Variants in PRKAR1B observed in about 807,000 individuals in gnomAD.
The protein encoded by PRKAR1B is protein kinase cAMP-dependent type I regulatory subunit beta.
In PRKAR1B, 22 loss-of-function variants were observed where a neutral mutation model predicts 46.5. The observed-to-expected ratio is 0.47, with a 90% confidence interval of 0.34 to 0.68. The LOEUF is 0.68. PRKAR1B is among the 30% of genes least tolerant of loss of function. PRKAR1B has a pLI of 0.01. For synonymous variants in PRKAR1B, 259 were observed against 217.7 expected (o/e 1.19, Z -1.67); for missense variants, 445 against 535.6 (o/e 0.83, Z 1.67).
chr7:669,054 A>C (rs1299271963), intron 4 of PRKAR1B, among the ~76,000 whole-genome samples: 1 of 152,174 alleles, frequency 6.6e-6, no homozygotes, highest in Non-Finnish European at 1.5e-5. Context: ...AATCACAATA[A>C]CCAAAAGGTG....
intron 4 of PRKAR1B, among the ~76,000 whole-genome samples, chr7:627,125 G>A (rs1031066399): frequency 1.1e-4 from 17 of 152,070 alleles, no homozygotes; most frequent in African/African-American, 2.9e-4. Flanking sequence ...CGCCCACCTC[G>A]GCCTCCCAAA....
At chr7:687,276 A>T (rs1779143028) in intron 2 of PRKAR1B, among the ~76,000 whole-genome samples, 1 of 152,268 alleles carries the variant, frequency 6.6e-6, no homozygotes, top group Non-Finnish European at 1.5e-5. Flanking sequence ...GGGGATGCAG[A>T]TCATGGAGTT....
At chr7:711,212 C>G (rs1449473666) in intron 2 of PRKAR1B, 117 bp downstream of exon 2, 1 of 1,384,592 alleles carries the variant, frequency 7.2e-7, no homozygotes, top group Non-Finnish European at 9.9e-7. Flanking sequence ...GGACGGCAGA[C>G]AGTCTCTGGG....
chr7:693,215 G>GA (rs952641160), intron 2 of PRKAR1B, among the ~76,000 whole-genome samples: 1 of 151,162 alleles, frequency 6.6e-6, no homozygotes, highest in African/African-American at 2.4e-5. Flanking sequence ...GATTACAGGT[G>GA]AGAGCCAGTG....
At chr7:677,375 G>A (rs776138650) in intron 3 of PRKAR1B, 55 bp from the exon 4 acceptor site, 20 of 1,501,842 alleles carry the variant, frequency 1.3e-5, no homozygotes, top group East Asian at 1.1e-4. Flanking sequence ...ATGCTGTGAC[G>A]CGGCCTGAAA....
intron 2 of PRKAR1B, among the ~76,000 whole-genome samples, chr7:698,481 TGTTA>T (rs1779889857): frequency 6.6e-6 from 1 of 151,840 alleles, no homozygotes; most frequent in African/African-American, 2.4e-5. Context: ...GGTACGTATG[TGTTA>T]GTGTGTGTCT....
At chr7:628,337 C>T (rs1035359167) in intron 4 of PRKAR1B, among the ~76,000 whole-genome samples, 1 of 152,232 alleles carries the variant, frequency 6.6e-6, no homozygotes, top group Non-Finnish European at 1.5e-5. Context: ...AAGGCGAAGG[C>T]GGGCACGAGG....
chr7:682,057 A>G (rs1000131981), intron 2 of PRKAR1B, among the ~76,000 whole-genome samples: 14 of 151,946 alleles, frequency 9.2e-5, no homozygotes, highest in African/African-American at 2.9e-4. Flanking sequence ...GGAGGAAGGA[A>G]GAAGGGAGGA....
intron 2 of PRKAR1B, among the ~76,000 whole-genome samples, chr7:696,188 G>A (rs1230478367): frequency 6.6e-6 from 1 of 151,074 alleles, no homozygotes; most frequent in Non-Finnish European, 1.5e-5. Flanking sequence ...TGTTGCCCAG[G>A]CTAGTCTCAA....
At chr7:687,622 G>A (rs1422192425) in intron 2 of PRKAR1B, among the ~76,000 whole-genome samples, 1 of 152,162 alleles carries the variant, frequency 6.6e-6, no homozygotes, top group African/African-American at 2.4e-5. Context: ...CAGATGGAGG[G>A]GAGAGAATAT....
At chr7:676,483 C>T (rs1224059518) in intron 4 of PRKAR1B, among the ~76,000 whole-genome samples, 2 of 152,190 alleles carry the variant, frequency 1.3e-5, no homozygotes, top group Admixed American at 6.5e-5. Flanking sequence ...TCCATGCATG[C>T]GGAAGAGGCC....
chr7:676,743 T>C (rs1246623725), intron 4 of PRKAR1B, among the ~76,000 whole-genome samples: 1 of 152,124 alleles, frequency 6.6e-6, no homozygotes, highest in Non-Finnish European at 1.5e-5. Flanking sequence ...CCATGGCCCA[T>C]GAGTCAGAGA....
At position 560,092 on chromosome 7, in the gene PRKAR1B, T is replaced by G. The variant is rs1778690299; in HGVS notation, c.892-8622A>C. On this transcript the variant is annotated intron_variant, in intron 9 of 10. Transcript: ENST00000537384. The surrounding 1 kb of genome is among the most constrained non-coding windows in gnomAD (Gnocchi z 4.2). ...CCCAAATCTCATCTTGAGTTGTAGC[T>G]CCCATAATCCCCACGTGTTGTGGGA... is the stretch of plus-strand genomic sequence containing the variant. Among the ~76,000 whole-genome samples, 1 of 152,110 alleles carries G rather than the reference T, an allele frequency of 6.6e-6. No homozygotes were observed. Among genetic ancestry groups the G allele is most frequent in the Non-Finnish European group, 1.5e-5 (1 of 68,022 alleles).
Position 563,893 on chromosome 7 carries a change from A to C in PRKAR1B, c.892-12423T>G, listed in dbSNP as rs567986177. Among the ~76,000 whole-genome samples, 17 of 151,692 alleles carry C rather than the reference A, an allele frequency of 1.1e-4. 1 individual carries two copies. In the South Asian group the frequency reaches 3.6e-3, roughly 32 times the overall value. ...ATGGGTTGTGGGTGTGTATATGTGCATGTGTGCACACGTGTGCATGGGTGA... is the reference window on the plus strand; with the variant it reads ...ATGGGTTGTGGGTGTGTATATGTGCCTGTGTGCACACGTGTGCATGGGTGA... On this transcript the variant is annotated intron_variant, in intron 9 of 10. Transcript: ENST00000537384.
At chr7:697,984 CGGAGGGGAGTGGAGGGGAG>C (rs1779848703) in intron 2 of PRKAR1B, among the ~76,000 whole-genome samples, 2 of 40,594 alleles carry the variant, frequency 4.9e-5, no homozygotes, top group African/African-American at 2.0e-4. Flanking sequence ...GGGAAGGGAG[CGGAGGGGAGTGGAGGGGAG>C]GGGAGGGGAG....
rs372308731 is a variant in PRKAR1B at position 691,643 on chromosome 7, G to A, written c.178-10917C>T. On this transcript the variant is annotated intron_variant, in intron 2 of 10. Transcript: ENST00000537384. ...GTGTGCTGAATGGCATGTGGCCTCC[G>A]CCCAGGTCTCCAGGGAGCTGTTGGA... The A allele has an allele frequency of 1.9e-4, 245 of 1,301,016 alleles. 1 individual carries two copies. In the East Asian group the frequency reaches 7.3e-3, roughly 39 times the overall value. The allele number at this position is 1,301,016 out of a possible 1,614,324, so 80.6% of individuals were successfully genotyped here.
At chr7:579,917 T>C (rs964108411) in intron 8 of PRKAR1B, among the ~76,000 whole-genome samples, 11 of 151,660 alleles carry the variant, frequency 7.3e-5, no homozygotes, top group African/African-American at 2.7e-4. Flanking sequence ...GCCGACATAA[T>C]GAGACCCCAT....
intron 4 of PRKAR1B, among the ~76,000 whole-genome samples, chr7:653,090 G>C (rs1220252246): frequency 6.6e-6 from 1 of 152,172 alleles, no homozygotes; most frequent in Non-Finnish European, 1.5e-5. Context: ...GCTCCCAGTG[G>C]ACAAGTGCTT....
intron 4 of PRKAR1B, among the ~76,000 whole-genome samples, chr7:647,988 A>G (rs563977071): frequency 4.7e-4 from 71 of 151,698 alleles, no homozygotes; most frequent in Middle Eastern, 3.4e-3. Flanking sequence ...TCTACAAAAA[A>G]TTTAAAAATT....
Sources: gnomAD v4.1 joint callset for allele counts (sites outside exome capture counted in the v4.1 genomes callset) on GRCh38, gnomAD v4.1.1 for gene constraint, Gnocchi (gnomAD v3.1) non-coding constraint, MANE v1.5 for transcripts, NCBI Gene and HGNC (gene_info 2026-07-23, HGNC 2026-07-21) for gene names.